AGMO: variants seen among roughly 807,000 people sequenced by gnomAD.
AGMO encodes the protein alkylglycerol monooxygenase.
AGMO carries 75 observed loss-of-function variants against 60.2 expected under a neutral mutation model. That is an observed-to-expected ratio of 1.25 (90% CI 1.03 to 1.51). The LOEUF is 1.51. Ranked by LOEUF, AGMO falls within the 40% of genes most tolerant of loss-of-function variation. The pLI, the probability that AGMO is intolerant of heterozygous loss-of-function variation, is 0.00. For synonymous variants in AGMO, 261 were observed against 177.1 expected (o/e 1.47, Z -3.76); for missense variants, 763 against 525.5 (o/e 1.45, Z -4.42).
At chr7:15,535,709 G>T (rs1410404985) in intron 3 of AGMO, among the ~76,000 whole-genome samples, 4 of 151,860 alleles carry the variant, frequency 2.6e-5, no homozygotes, top group Non-Finnish European at 5.9e-5. Flanking sequence ...AGATATTTTG[G>T]TGCAGGCATG....
intron 5 of AGMO, among the ~76,000 whole-genome samples, chr7:15,403,438 G>A (rs960505945): frequency 7.9e-5 from 12 of 151,832 alleles, no homozygotes; most frequent in South Asian, 2.1e-4. Context: ...CTTTCAAGAC[G>A]TCATAGAGTG....
intron 12 of AGMO, among the ~76,000 whole-genome samples, chr7:15,339,161 G>C (rs1172486840): frequency 6.6e-6 from 1 of 152,168 alleles, no homozygotes; most frequent in Admixed American, 6.5e-5. Context: ...CTACAAGAGA[G>C]ATGGGAGAAA....
At chr7:15,370,402 G>C (rs566331097) in intron 10 of AGMO, among the ~76,000 whole-genome samples, 1 of 152,228 alleles carries the variant, frequency 6.6e-6, no homozygotes, top group East Asian at 1.9e-4. Context: ...TTTTCTTTTG[G>C]ATATATACCC....
intron 3 of AGMO, among the ~76,000 whole-genome samples, chr7:15,440,373 A>G (rs2128501733): frequency 1.3e-5 from 2 of 152,302 alleles, no homozygotes; most frequent in South Asian, 4.1e-4. Context: ...CAGAAAAGGG[A>G]AGAATGAAAG....
At chr7:15,269,577 G>A (rs1469375350) in intron 12 of AGMO, among the ~76,000 whole-genome samples, 1 of 152,026 alleles carries the variant, frequency 6.6e-6, no homozygotes, top group Non-Finnish European at 1.5e-5. Context: ...CATAGGATAG[G>A]TGGTGGAAAT....
chr7:15,424,849 A>G (rs1231468556), intron 4 of AGMO, among the ~76,000 whole-genome samples: 4 of 152,228 alleles, frequency 2.6e-5, no homozygotes, highest in Non-Finnish European at 5.9e-5. Flanking sequence ...TCCCCAGTGC[A>G]TTCAAATGCA....
chr7:15,214,991 G>T (rs1048146430), intron 12 of AGMO, among the ~76,000 whole-genome samples: 5 of 152,082 alleles, frequency 3.3e-5, no homozygotes, highest in African/African-American at 1.2e-4. Context: ...TATGCCAACA[G>T]AAATTTTATT....
intron 3 of AGMO, among the ~76,000 whole-genome samples, chr7:15,449,980 T>C (rs1781815211): frequency 6.6e-6 from 1 of 152,208 alleles, no homozygotes; most frequent in Non-Finnish European, 1.5e-5. Context: ...ATAGTGGTAA[T>C]ACACAGTCAC....
intron 5 of AGMO, among the ~76,000 whole-genome samples, chr7:15,412,623 T>C (rs529790201): frequency 6.7e-6 from 1 of 150,318 alleles, no homozygotes; most frequent in Non-Finnish European, 1.5e-5. Context: ...AAAAGAGAAT[T>C]TAGAGTTCAA....
intron 12 of AGMO, among the ~76,000 whole-genome samples, chr7:15,295,013 T>C (rs1784371326): frequency 6.6e-6 from 1 of 151,762 alleles, no homozygotes; most frequent in African/African-American, 2.4e-5. Context: ...CCAAATATAT[T>C]TTTTAAATAC....
At chr7:15,394,772 T>C (rs764772933) in intron 5 of AGMO, among the ~76,000 whole-genome samples, 5 of 152,228 alleles carry the variant, frequency 3.3e-5, no homozygotes, top group Non-Finnish European at 7.3e-5. Flanking sequence ...TCTACGGCAT[T>C]AGGGTGATCC....
At chr7:15,391,174 AAATG>A (rs1376135537) in intron 6 of AGMO, among the ~76,000 whole-genome samples, 1 of 152,120 alleles carries the variant, frequency 6.6e-6, no homozygotes, top group African/African-American at 2.4e-5. Flanking sequence ...AAAATGGAAT[AAATG>A]TAAATAATTT....
At chr7:15,530,935 T>G (rs190157545) in intron 3 of AGMO, among the ~76,000 whole-genome samples, 1,812 of 138,210 alleles carry the variant, frequency 0.013, 38 homozygotes, top group African/African-American at 0.046. Context: ...GAGATGGAGT[T>G]TCGCTCTTTT....
Position 15,354,516 on chromosome 7 carries a change from A to G in AGMO, c.1263+10998T>C, listed in dbSNP as rs1442556750. ...CACGTGTATATATATATATATATATATATATATATATATATATATATATAG... is the reference window on the plus strand; with the variant it reads ...CACGTGTATATATATATATATATATGTATATATATATATATATATATATAG... On this transcript the variant is annotated intron_variant, in intron 12 of 12. Transcript: ENST00000342526. 7.6e-3 allele frequency among the ~76,000 whole-genome samples: 653 copies of G among 85,672 alleles called. 40 individuals carry two copies. The highest frequency in any genetic ancestry group is 0.012 in the African/African-American group (215 of 17,512). 56.2% of individuals were successfully genotyped at this position (85,672 alleles called of 152,430 possible).
chr7:15,216,154 A>G (rs1490543800), intron 12 of AGMO, among the ~76,000 whole-genome samples: 1 of 152,054 alleles, frequency 6.6e-6, no homozygotes, highest in African/African-American at 2.4e-5. Context: ...TCAACACATA[A>G]TACAATCACA....
At chr7:15,404,652 G>A (rs1043047534) in intron 5 of AGMO, among the ~76,000 whole-genome samples, 1 of 151,772 alleles carries the variant, frequency 6.6e-6, no homozygotes, top group Non-Finnish European at 1.5e-5. Flanking sequence ...AAACTGAAAG[G>A]TTAAGTAATC....
chr7:15,354,381 C>CAG (rs1221170192), intron 12 of AGMO, among the ~76,000 whole-genome samples: 962 of 14,372 alleles, frequency 0.067, 114 homozygotes, highest in African/African-American at 0.079. Context: ...CGTGTGTATA[C>CAG]ACGTGTGTGT....
At chr7:15,441,595 GA>G (rs1054672625) in intron 3 of AGMO, among the ~76,000 whole-genome samples, 1 of 152,042 alleles carries the variant, frequency 6.6e-6, no homozygotes, top group Non-Finnish European at 1.5e-5. Flanking sequence ...AATCATGGGA[GA>G]ACTGTCTTGA....
the AGMO span, among the ~76,000 whole-genome samples, chr7:15,155,236 T>C: frequency 9.2e-5 from 14 of 152,120 alleles, no homozygotes; most frequent in Non-Finnish European, 1.8e-4. Context: ...GGAATACCAA[T>C]GAGTCTCAGC....
Sources: allele counts gnomAD v4.1 joint callset (sites outside exome capture counted in the v4.1 genomes callset), GRCh38; gene constraint gnomAD v4.1.1; transcripts MANE v1.5; gene names NCBI Gene and HGNC (gene_info 2026-07-23, HGNC 2026-07-21).